CNTNAP5: variants seen among roughly 807,000 people sequenced by gnomAD.
CNTNAP5 encodes the protein contactin associated protein family member 5, also known as contactin-associated protein-like 5.
In CNTNAP5, 72 loss-of-function variants were observed where a neutral mutation model predicts 150.2. The ratio of observed to expected loss-of-function variants is 0.48; its 90% confidence interval spans 0.40 to 0.58. The LOEUF is 0.58. Among genes scored for constraint, CNTNAP5 ranks in the 20% least tolerant of loss-of-function variants. CNTNAP5 has a pLI of 0.00. For synonymous variants in CNTNAP5, 672 were observed against 619.8 expected (o/e 1.08, Z -1.25); for missense variants, 1,636 against 1,626.2 (o/e 1.01, Z -0.10).
At chr2:124,805,365 G>T (rs908291362) in intron 19 of CNTNAP5, among the ~76,000 whole-genome samples, 1 of 152,114 alleles carries the variant, frequency 6.6e-6, no homozygotes, top group African/African-American at 2.4e-5. Context: ...ACAGAGTTAT[G>T]TGTAGAACTA....
chr2:124,578,900 C>T (rs2104946835), intron 11 of CNTNAP5, among the ~76,000 whole-genome samples: 1 of 152,190 alleles, frequency 6.6e-6, no homozygotes, highest in East Asian at 1.9e-4. Flanking sequence ...CTTTGTTTTT[C>T]AATTTTTTTT....
chr2:124,289,527 G>A (rs1483631732), intron 3 of CNTNAP5, among the ~76,000 whole-genome samples: 3 of 152,132 alleles, frequency 2.0e-5, no homozygotes, highest in African/African-American at 7.2e-5. Context: ...ATTTCTTGAA[G>A]CATAAGAAAA....
intron 1 of CNTNAP5, among the ~76,000 whole-genome samples, chr2:124,097,960 G>A (rs1466121236): frequency 3.3e-5 from 5 of 152,268 alleles, no homozygotes; most frequent in South Asian, 2.1e-4. Context: ...CCCGGGAGGC[G>A]GAGCTTGCCG....
intron 1 of CNTNAP5, among the ~76,000 whole-genome samples, chr2:124,146,066 A>G (rs1898787): frequency 0.3 from 45,326 of 151,960 alleles, 7,336 homozygotes; most frequent in Admixed American, 0.38. Context: ...CTTAAAGCAG[A>G]TAGGACAAAG....
chr2:124,767,641 T>C (rs538817998), intron 16 of CNTNAP5, among the ~76,000 whole-genome samples: 3 of 152,254 alleles, frequency 2.0e-5, no homozygotes, highest in Admixed American at 2.0e-4. Flanking sequence ...CAACATGGGG[T>C]TGGTGACATC....
intron 3 of CNTNAP5, among the ~76,000 whole-genome samples, chr2:124,332,945 AT>A (rs1287876542): frequency 4.6e-5 from 7 of 152,170 alleles, no homozygotes; most frequent in African/African-American, 1.7e-4. Context: ...TTTTTTATTT[AT>A]AAATGCTCAT....
intron 21 of CNTNAP5, among the ~76,000 whole-genome samples, chr2:124,889,576 T>G (rs1007964135): frequency 5.3e-5 from 8 of 152,144 alleles, no homozygotes; most frequent in Non-Finnish European, 1.0e-4. Flanking sequence ...TTCTAAGCTC[T>G]TTTCTAAATT....
intron 3 of CNTNAP5, among the ~76,000 whole-genome samples, chr2:124,342,961 G>A (rs1057099635): frequency 3.3e-5 from 5 of 152,066 alleles, no homozygotes; most frequent in African/African-American, 1.2e-4. Flanking sequence ...AATTATCAAA[G>A]TTTTCAGAAA....
At chr2:124,237,525 T>G (rs577103640) in intron 2 of CNTNAP5, among the ~76,000 whole-genome samples, 1 of 152,204 alleles carries the variant, frequency 6.6e-6, no homozygotes, top group East Asian at 1.9e-4. Flanking sequence ...GGTTTTGTTT[T>G]GTTTTGTTTT....
chr2:124,265,461 G>A (rs893367849), intron 3 of CNTNAP5, among the ~76,000 whole-genome samples: 3 of 151,934 alleles, frequency 2.0e-5, no homozygotes, highest in Non-Finnish European at 4.4e-5. Flanking sequence ...CATCATTCCT[G>A]TCCTAATCCA....
chr2:124,882,025 G>T (rs1032897846), intron 21 of CNTNAP5, among the ~76,000 whole-genome samples: 1 of 151,994 alleles, frequency 6.6e-6, no homozygotes, highest in Non-Finnish European at 1.5e-5. Flanking sequence ...GATTCCCAGG[G>T]ATGTGGGATT....
At chr2:124,283,690 T>C (rs1688075209) in intron 3 of CNTNAP5, among the ~76,000 whole-genome samples, 1 of 152,202 alleles carries the variant, frequency 6.6e-6, no homozygotes, top group Non-Finnish European at 1.5e-5. Context: ...ACATACGAGG[T>C]GACTTATAAG....
At chr2:124,251,863 G>A (rs1018909429) in intron 3 of CNTNAP5, among the ~76,000 whole-genome samples, 58 of 152,262 alleles carry the variant, frequency 3.8e-4, no homozygotes, top group Admixed American at 2.0e-3. Flanking sequence ...AGAGTTCCAC[G>A]AATGGACTGT....
rs938880944 is a variant in CNTNAP5, at chr2:124,609,726, T to C, written c.1757-75T>C. The C allele has an allele frequency of 3.3e-6, 5 of 1,528,750 alleles. No homozygotes were observed. In the African/African-American group the frequency reaches 4.1e-5, roughly 13 times the overall value. The allele number at this position is 1,528,750 out of a possible 1,614,324, so 94.7% of individuals were successfully genotyped here. ...TGAATACACATAGAGCAAATCTAAG[T>C]AGGAGTTACTGATTCCTGCAAAGGG... On this transcript the variant is annotated intron_variant, in intron 11 of 23. Transcript: ENST00000682447.
chr2:124,165,914 G>A (rs902790315), intron 1 of CNTNAP5, among the ~76,000 whole-genome samples: 3 of 152,140 alleles, frequency 2.0e-5, no homozygotes, highest in African/African-American at 7.2e-5. Context: ...CAAGGCATGT[G>A]CCATTCATTT....
At chr2:124,267,313 T>C (rs1263748230) in intron 3 of CNTNAP5, among the ~76,000 whole-genome samples, 1 of 152,210 alleles carries the variant, frequency 6.6e-6, no homozygotes, top group Non-Finnish European at 1.5e-5. Context: ...AGTGTGAACA[T>C]TTAAAGTAAA....
intron 6 of CNTNAP5, among the ~76,000 whole-genome samples, chr2:124,462,221 C>T (rs1693272366): frequency 6.6e-6 from 1 of 152,000 alleles, no homozygotes; most frequent in Non-Finnish European, 1.5e-5. Context: ...TAGGTTTTCC[C>T]TCTGAGGAGA....
Position 124,474,860 on chromosome 2 carries a change from G to T in CNTNAP5, c.1040G>T (p.Arg347Leu), listed in dbSNP as rs369591290. 8.1e-6 allele frequency: 13 copies of T among 1,606,164 alleles called. No homozygotes were observed. Among genetic ancestry groups the T allele is most frequent in the African/African-American group, 6.7e-5 (5 of 74,294 alleles). ...GVNIIDLAKR[R>L]KHQIYTVGNV... is the part of the protein sequence containing the mutation. ...AACATAATTGACCTGGCTAAGAGACGAAAGCATCAGATCTATACTGTGGTA... is the reference window on the plus strand; with the variant it reads ...AACATAATTGACCTGGCTAAGAGACTAAAGCATCAGATCTATACTGTGGTA... Residue 347 changes from arginine (R) to leucine (L), a missense_variant, in exon 7 of 24, where the codon CGA becomes CTA. Transcript: ENST00000682447.
At chr2:124,198,638 G>A (rs985166259) in intron 1 of CNTNAP5, among the ~76,000 whole-genome samples, 1 of 151,832 alleles carries the variant, frequency 6.6e-6, no homozygotes, top group African/African-American at 2.4e-5. Flanking sequence ...CCCAGAAGTT[G>A]TTAATTTTTA....
Sources: allele counts gnomAD v4.1 joint callset (sites outside exome capture counted in the v4.1 genomes callset), GRCh38; gene constraint gnomAD v4.1.1; transcripts MANE v1.5; gene names NCBI Gene and HGNC (gene_info 2026-07-23, HGNC 2026-07-21).